Variants in CACNA1C observed in about 807,000 individuals in gnomAD.
CACNA1C encodes the protein voltage-dependent L-type calcium channel subunit alpha-1C.
A neutral mutation model predicts 229.0 loss-of-function variants in CACNA1C; 30 were observed. The ratio of observed to expected loss-of-function variants is 0.13; its 90% CI spans 0.10 to 0.18. CACNA1C has a LOEUF of 0.18. Ranked by LOEUF, CACNA1C falls within the 10% of genes least tolerant of loss-of-function variation. The probability of loss-of-function intolerance (pLI) is 1.00; values close to 1 mark genes in which losing one functional copy is unlikely to be tolerated. For synonymous variants in CACNA1C, 1,114 were observed against 1,132.5 expected (o/e 0.98, Z 0.33); for missense variants, 1,658 against 2,845.0 (o/e 0.58, Z 9.49).
rs371983338 is a variant in CACNA1C at position 2,307,480 on chromosome 12, C to T, written c.478-141496C>T. On this transcript the variant is annotated intron_variant, in intron 3 of 46. Transcript: ENST00000399655. ...CTGCTTCCCAGTACTCATGGTCTTT[C>T]GGCTGCATAGCTCTACTTCTCTGCA... Among the ~76,000 whole-genome samples, 15 of 152,286 alleles carry T rather than the reference C, an allele frequency of 9.8e-5. No individual in the cohort carries two copies. In the South Asian group the frequency reaches 1.0e-3, roughly 11 times the overall value.
chr12:2,368,805 G>A (rs1037340624), intron 3 of CACNA1C, among the ~76,000 whole-genome samples: 1 of 152,140 alleles, frequency 6.6e-6, no homozygotes, highest in Admixed American at 6.5e-5. Flanking sequence ...GGAAAGGAGA[G>A]TGCTTAGAAA....
intron 45 of CACNA1C, 53 bp from the exon 46 acceptor site, chr12:2,688,394 C>A: frequency 6.4e-7 from 1 of 1,557,450 alleles, no homozygotes; most frequent in Non-Finnish European, 8.9e-7. Context: ...CAGGGGCCTG[C>A]CTTGTTTGGG....
upstream of CACNA1C, among the ~76,000 whole-genome samples, chr12:2,052,611 GCCGCGGCCA>G (rs562644445): frequency 0.015 from 2,219 of 143,888 alleles, 60 homozygotes; most frequent in African/African-American, 0.052. Context: ...GTGTGTCCGC[GCCGCGGCCA>G]CCGCGGCCAC....
Position 2,567,624 on chromosome 12 carries a change from G to A in CACNA1C, c.1725G>A (p.Met575Ile). ...TCACGGCAGAGATGCTCCTGAAGAT[G>A]TACAGCCTGGGCCTGCAGGCCTACT... Reference protein sequence around the residue: ...ALFTAEMLLKMYSLGLQAYFV... With the variant: ...ALFTAEMLLKIYSLGLQAYFV... The change falls in exon 13 of 47, where the codon ATG becomes ATA. Residue 575 changes from methionine (M) to isoleucine (I), a missense_variant. Met to Ile is a conservative substitution (Grantham distance 10). This residue lies in a region of CACNA1C where 149 missense variants were observed against 194.2 expected (regional missense o/e 0.77). Coordinates refer to ENST00000399655, the MANE Select transcript of CACNA1C (RefSeq NM_000719.7). 2 of 1,610,642 alleles carry A rather than the reference G, an allele frequency of 1.2e-6. No homozygotes were observed. The highest frequency in any genetic ancestry group is 1.7e-6 in the Non-Finnish European group (2 of 1,178,448).
chr12:2,493,487 A>G lies in CACNA1C; in HGVS notation c.1113+101A>G, dbSNP rs1414764299. On this transcript the variant is annotated intron_variant, in intron 7 of 46. Coordinates refer to ENST00000399655, the MANE Select transcript of CACNA1C (RefSeq NM_000719.7). This position sits in a 1 kb window ranked among gnomAD's most constrained non-coding sequence, Gnocchi z 4.6. ...CTCCTCCCCATGGTCTTGGGGTCAC[A>G]TACGCATCTTGATGGAATGGTTGAT... 9 of 839,180 alleles carry G rather than the reference A, an allele frequency of 1.1e-5. No homozygotes were observed. The African/African-American group carries it at 1.5e-4, about 14-fold the overall frequency. The allele number at this position is 839,180 out of a possible 1,614,324, so 52.0% of individuals were successfully genotyped here. A position where few individuals can be genotyped will look rare whatever the true frequency, so the allele number is the denominator to read the frequency against.
chr12:2,190,010 C>T lies in CACNA1C; in HGVS notation c.477+69580C>T, dbSNP rs147300130. ...TCTTGGGACATGCCTTGTGGTTCAA[C>T]GTTAAAGGAATAGCACAGCCAACCA... On this transcript the variant is annotated intron_variant, in intron 3 of 46. Coordinates refer to ENST00000399655, the MANE Select transcript of CACNA1C (RefSeq NM_000719.7). Among the ~76,000 whole-genome samples, 36 of 152,230 alleles carry T rather than the reference C, an allele frequency of 2.4e-4. 1 individual carries two copies. Among genetic ancestry groups the T allele is most frequent in the African/African-American group, 8.4e-4 (35 of 41,532 alleles).
At chr12:2,328,940 G>T (rs58107683) in intron 3 of CACNA1C, among the ~76,000 whole-genome samples, 4 of 152,216 alleles carry the variant, frequency 2.6e-5, no homozygotes, top group African/African-American at 9.7e-5. Context: ...ATTTGTCTGT[G>T]TAATAATCAG....
intron 3 of CACNA1C, among the ~76,000 whole-genome samples, chr12:2,366,257 G>A (rs11830215): frequency 0.011 from 1,630 of 152,226 alleles, 22 homozygotes; most frequent in African/African-American, 0.037. Context: ...TGATTTCTGT[G>A]AGGATTAAAT....
intron 3 of CACNA1C, among the ~76,000 whole-genome samples, chr12:2,165,532 A>C (rs865877117): frequency 1.6e-4 from 25 of 152,244 alleles, no homozygotes; most frequent in Middle Eastern, 3.2e-3. Flanking sequence ...GAGTGCTTGG[A>C]AAGTCACTTC....
chr12:2,541,666 G>C (rs1450629668), intron 9 of CACNA1C, among the ~76,000 whole-genome samples: 1 of 152,218 alleles, frequency 6.6e-6, no homozygotes, highest in Non-Finnish European at 1.5e-5. Flanking sequence ...CAGCTGGTGA[G>C]CTCTCTGGCC....
chr12:2,494,444 G>A (rs994833252), intron 7 of CACNA1C, among the ~76,000 whole-genome samples: 3 of 152,216 alleles, frequency 2.0e-5, no homozygotes, highest in African/African-American at 7.2e-5. Context: ...TCCAGAATTT[G>A]GGCGAATAAA....
intron 29 of CACNA1C, among the ~76,000 whole-genome samples, chr12:2,627,786 ACT>A (rs1402080152): frequency 2.7e-5 from 4 of 149,808 alleles, no homozygotes; most frequent in African/African-American, 9.9e-5. Flanking sequence ...GTCCTTTTCC[ACT>A]CTCTGTCTCA....
chr12:2,128,200 G>A (rs1219162647), intron 3 of CACNA1C, among the ~76,000 whole-genome samples: 2 of 152,190 alleles, frequency 1.3e-5, no homozygotes, highest in Admixed American at 6.5e-5. Flanking sequence ...TTGGAACTTA[G>A]GACTGTATGA....
chr12:2,626,566 A>T (rs2086693067), intron 29 of CACNA1C, among the ~76,000 whole-genome samples: 3 of 152,186 alleles, frequency 2.0e-5, no homozygotes. Flanking sequence ...GCCTGTGTGC[A>T]TGGCCATGTG....
intron 3 of CACNA1C, among the ~76,000 whole-genome samples, chr12:2,398,564 T>C (rs903430940): frequency 1.3e-5 from 2 of 152,172 alleles, no homozygotes; most frequent in Non-Finnish European, 2.9e-5. Context: ...GGGGCCTCCA[T>C]ACCTTACATC....
chr12:2,682,787 G>T (rs776395240), intron 43 of CACNA1C, 109 bp downstream of exon 43: 239 of 1,045,682 alleles, frequency 2.3e-4, no homozygotes, highest in Non-Finnish European at 2.9e-4. Flanking sequence ...CAGGAGGAGA[G>T]GAGATCACAG....
chr12:2,604,951 C>G (rs927693591), intron 22 of CACNA1C, 130 bp from the exon 23 acceptor site: 2 of 723,684 alleles, frequency 2.8e-6, no homozygotes, highest in Non-Finnish European at 5.0e-6. Context: ...ATGCGAACAT[C>G]CCCAAGATGG....
Position 2,226,151 on chromosome 12 carries a change from A to G in CACNA1C, c.477+105721A>G, listed in dbSNP as rs866110538. On this transcript the variant is annotated intron_variant, in intron 3 of 46. Transcript: ENST00000399655. ...CACACACACACACACACACACACACACACACACACACACACACACACAGTT... is the reference window on the plus strand; with the variant it reads ...CACACACACACACACACACACACACGCACACACACACACACACACACAGTT... 4.2e-3 allele frequency among the ~76,000 whole-genome samples: 642 copies of G among 151,848 alleles called. 2 individuals carry two copies. The highest frequency in any genetic ancestry group is 7.1e-3 in the Admixed American group (109 of 15,254).
intron 1 of CACNA1C, among the ~76,000 whole-genome samples, chr12:2,065,719 A>G (rs549509935): frequency 1.5e-4 from 23 of 152,332 alleles, no homozygotes; most frequent in African/African-American, 5.3e-4. Context: ...GAAGTGTTAT[A>G]TGGAGGTTGT....
Sources: allele counts gnomAD v4.1 joint callset (sites outside exome capture counted in the v4.1 genomes callset), GRCh38; gene constraint gnomAD v4.1.1; regional missense constraint gnomAD v4.1.1; non-coding constraint Gnocchi (gnomAD v3.1); transcripts MANE v1.5; gene names NCBI Gene and HGNC (gene_info 2026-07-23, HGNC 2026-07-21).